TMEM161B: variants seen among roughly 807,000 people sequenced by gnomAD.
TMEM161B encodes transmembrane protein 161B.
Under a neutral mutation model 61.8 loss-of-function variants are expected in TMEM161B, and 34 were observed. That is an observed-to-expected ratio of 0.55 (90% CI 0.42 to 0.73). The LOEUF is 0.73. TMEM161B is among the 30% of genes least tolerant of loss of function. The pLI, the probability that TMEM161B is intolerant of heterozygous loss-of-function variation, is 0.00. For synonymous variants in TMEM161B, 167 were observed against 192.8 expected, an observed-to-expected ratio of 0.87 and a Z score of 1.11; for missense variants, 456 against 558.5, an observed-to-expected ratio of 0.82 and a Z score of 1.85.
chr5:88,211,632 C>T (rs1317462348), intron 5 of TMEM161B, among the ~76,000 whole-genome samples: 26 of 148,184 alleles, frequency 1.8e-4, no homozygotes, highest in African/African-American at 5.9e-4. Flanking sequence ...GCGGCGGGCG[C>T]GGCGGCGGGC....
At chr5:88,225,404 T>C (rs1287809561) in intron 4 of TMEM161B, among the ~76,000 whole-genome samples, 1 of 152,156 alleles carries the variant, frequency 6.6e-6, no homozygotes, top group Non-Finnish European at 1.5e-5. Context: ...CCCCAACCCC[T>C]GGGCTGCTCA....
chr5:88,205,782 T>C, intron 8 of TMEM161B, 32 bp downstream of exon 8: 1 of 1,605,202 alleles, frequency 6.2e-7, no homozygotes, highest in Non-Finnish European at 8.5e-7. Context: ...CATATATTTA[T>C]CTGCATGTGC....
At chr5:88,206,080 G>T in intron 7 of TMEM161B, 126 bp from the exon 8 acceptor site, 2 of 809,922 alleles carry the variant, frequency 2.5e-6, no homozygotes, top group Non-Finnish European at 3.8e-6. Context: ...TCTACAAAAA[G>T]ATTGCTATTA....
intron 1 of TMEM161B, among the ~76,000 whole-genome samples, chr5:88,268,391 G>C (rs1756696242): frequency 6.6e-6 from 1 of 152,184 alleles, no homozygotes; most frequent in African/African-American, 2.4e-5. Flanking sequence ...GCGCAGAAGA[G>C]GTGACTGACC....
At chr5:88,227,400 C>T (rs1750236243) in intron 3 of TMEM161B, among the ~76,000 whole-genome samples, 1 of 152,030 alleles carries the variant, frequency 6.6e-6, no homozygotes, top group Non-Finnish European at 1.5e-5. Context: ...TTAGCTAACA[C>T]GGTTGTTTTG....
rs528373379 is a variant in TMEM161B at position 88,208,969 on chromosome 5, T to C, written c.447-1789A>G. ...TCTCACACACATAGTCTGAAGGTAA[T>C]TTTATACAACATATTTAATAATTTT... On this transcript the variant is annotated intron_variant, in intron 5 of 11. Coordinates refer to ENST00000296595, the MANE Select transcript of TMEM161B (RefSeq NM_153354.5). Among the ~76,000 whole-genome samples the C allele has an allele frequency of 3.3e-5, 5 of 152,328 alleles. No homozygotes were observed. In the East Asian group the frequency reaches 9.7e-4, roughly 29 times the overall value.
In TMEM161B at chr5:88,199,147, C is replaced by A; in HGVS notation, c.918G>T (p.Met306Ile). 1 of 1,603,674 alleles carries A rather than the reference C, an allele frequency of 6.2e-7. No individual in the cohort carries two copies. Among genetic ancestry groups the A allele is most frequent in the South Asian group, 1.1e-5 (1 of 89,772 alleles). Reference sequence around the variant, plus strand: ...GCAGAGTATCGAATGTGGCTTCTGTCATTCTACAGATCAAAAAGTTGATAC... The same window carrying A: ...GCAGAGTATCGAATGTGGCTTCTGTAATTCTACAGATCAAAAAGTTGATAC... ...PPLGKESIPL[M>I]TEATFDTLRL... Residue 306 changes from methionine to isoleucine, a missense_variant, in exon 10 of 12, where the codon ATG becomes ATT. Coordinates refer to ENST00000296595, the MANE Select transcript of TMEM161B (RefSeq NM_153354.5).
chr5:88,240,905 A>T lies in TMEM161B; in HGVS notation c.15T>A (p.Gly5=), dbSNP rs1752624647. 1 of 1,594,480 alleles carries T rather than the reference A, an allele frequency of 6.3e-7. No homozygotes were observed. The highest frequency in any genetic ancestry group is 8.5e-7 in the Non-Finnish European group (1 of 1,170,830). The change falls in exon 2 of 12, where the codon GGT becomes GGA. Residue 5 remains glycine, a synonymous_variant. Coordinates refer to ENST00000296595, the MANE Select transcript of TMEM161B (RefSeq NM_153354.5). The stretch of plus-strand genomic sequence containing the variant: ...TCACCATGGTAACAACCAGCTGTAT[A>T]CCTATCACACCCTGTGTAAAAAAAA... MGVI[G]IQLVVTMVMA... is the part of the protein sequence containing the mutation.
At chr5:88,224,539 G>A (rs1454068145) in intron 4 of TMEM161B, among the ~76,000 whole-genome samples, 4 of 152,026 alleles carry the variant, frequency 2.6e-5, no homozygotes, top group Admixed American at 6.6e-5. Context: ...GGAAATAAAT[G>A]GATGAAAGTA....
chr5:88,188,279 A>T (rs1187752805), downstream of TMEM161B, among the ~76,000 whole-genome samples: 4 of 143,508 alleles, frequency 2.8e-5, no homozygotes, highest in South Asian at 2.2e-4. Context: ...TAATTTTTGT[A>T]TTTTTTTTTT....
intron 5 of TMEM161B, among the ~76,000 whole-genome samples, chr5:88,218,874 A>C (rs1265496958): frequency 6.6e-6 from 1 of 152,232 alleles, no homozygotes; most frequent in Non-Finnish European, 1.5e-5. Flanking sequence ...TGTAGTTCCC[A>C]TGCAACCTTT....
chr5:88,247,686 T>C (rs932542870), intron 1 of TMEM161B, among the ~76,000 whole-genome samples: 4 of 152,048 alleles, frequency 2.6e-5, no homozygotes, highest in Non-Finnish European at 5.9e-5. Flanking sequence ...AAACTTAGAA[T>C]TCACACTAGA....
downstream of TMEM161B, among the ~76,000 whole-genome samples, chr5:88,188,157 T>C (rs1428105992): frequency 6.6e-6 from 1 of 151,988 alleles, no homozygotes; most frequent in Non-Finnish European, 1.5e-5. Flanking sequence ...CAGGCTGGAG[T>C]AGAGTGGCAT....
chr5:88,234,166 G>C (rs6874407), intron 2 of TMEM161B, among the ~76,000 whole-genome samples: 3,681 of 152,148 alleles, frequency 0.024, 120 homozygotes, highest in African/African-American at 0.082. Flanking sequence ...GTGGTAACAG[G>C]AATAATCCAA....
intron 1 of TMEM161B, among the ~76,000 whole-genome samples, chr5:88,252,888 T>C (rs997539947): frequency 3.3e-5 from 5 of 152,200 alleles, no homozygotes; most frequent in South Asian, 2.1e-4. Flanking sequence ...GGATCAGATA[T>C]TTAGGTTTAC....
downstream of TMEM161B, among the ~76,000 whole-genome samples, chr5:88,186,491 T>C (rs544608957): frequency 2.6e-5 from 4 of 152,032 alleles, no homozygotes; most frequent in South Asian, 6.2e-4. Context: ...CATTTCCTAA[T>C]CTATTTTTTT....
chr5:88,259,920 A>C (rs1177882048), intron 1 of TMEM161B, among the ~76,000 whole-genome samples: 1 of 152,204 alleles, frequency 6.6e-6, no homozygotes, highest in African/African-American at 2.4e-5. Flanking sequence ...AAAGACTGGC[A>C]CAACAGCACA....
downstream of TMEM161B, among the ~76,000 whole-genome samples, chr5:88,189,017 T>G (rs1242078925): frequency 6.6e-6 from 1 of 150,882 alleles, no homozygotes; most frequent in East Asian, 2.0e-4. Context: ...GAGTTCTCAC[T>G]CTCATCTACA....
chr5:88,249,876 G>A lies in TMEM161B; in HGVS notation c.4-8960C>T, dbSNP rs1754101774. ...GGGAGTATCCCCACGTGGTCACAAA[G>A]TCAAGCTCCAAGGACACAGAAGAAG... On this transcript the variant is annotated intron_variant, in intron 1 of 11. Transcript: ENST00000296595. Among the ~76,000 whole-genome samples the A allele has an allele frequency of 3.3e-5, 5 of 152,090 alleles. No individual in the cohort carries two copies. In the South Asian group the frequency reaches 1.0e-3, roughly 32 times the overall value.
Sources: gnomAD v4.1 joint callset for allele counts (sites outside exome capture counted in the v4.1 genomes callset) on GRCh38, gnomAD v4.1.1 for gene constraint, MANE v1.5 for transcripts, NCBI Gene and HGNC (gene_info 2026-07-23, HGNC 2026-07-21) for gene names.